The following HPS5 variants were observed in gnomAD, a reference collection of about 807,000 sequenced individuals.
The protein encoded by HPS5 is HPS5 biogenesis of lysosomal organelles complex 2 subunit 2.
In HPS5, 83 loss-of-function variants were observed where a neutral mutation model predicts 128.0. That is an observed-to-expected ratio of 0.65 (90% confidence interval 0.54 to 0.78). The LOEUF is 0.78. Ranked by LOEUF, HPS5 falls within the 30% of genes least tolerant of loss-of-function variation. HPS5 has a pLI of 0.00. For synonymous variants in HPS5, 475 were observed against 470.2 expected (o/e 1.01, Z -0.13); for missense variants, 1,281 against 1,326.2 (o/e 0.97, Z 0.53).
chr11:18,290,939 C>A (rs912418690), intron 16 of HPS5, among the ~76,000 whole-genome samples: 1 of 152,150 alleles, frequency 6.6e-6, no homozygotes, highest in African/African-American at 2.4e-5. Flanking sequence ...AAAAATAGGG[C>A]CAGGCACAGT....
chr11:18,299,110 G>T, intron 9 of HPS5, 140 bp from the exon 10 acceptor site: 1 of 729,656 alleles, frequency 1.4e-6, no homozygotes, highest in Non-Finnish European at 2.3e-6. Context: ...TTTTCTACTT[G>T]CAGTTCAATG....
Position 18,308,910 on chromosome 11 carries a change from T to C in HPS5, c.611+36A>G, listed in dbSNP as rs755702905. On this transcript the variant is annotated intron_variant, in intron 6 of 22. Coordinates refer to ENST00000349215, the MANE Select transcript of HPS5 (RefSeq NM_181507.2). ...TCTAAGTTCCTCCCAGTTCTAAAAT[T>C]CTGCATTTCTGATGACTAATGGTTG... 5.6e-6 allele frequency: 9 copies of C among 1,609,732 alleles called. No homozygotes were observed. In the South Asian group the frequency reaches 9.9e-5, roughly 18 times the overall value.
At chr11:18,311,348 A>G (rs1590134192) in intron 4 of HPS5, 39 bp downstream of exon 4, 1 of 1,389,970 alleles carries the variant, frequency 7.2e-7, no homozygotes. Flanking sequence ...TTTAAAATGC[A>G]TTTGAAAAAG....
chr11:18,313,222 GA>G (rs58493379), intron 2 of HPS5, among the ~76,000 whole-genome samples: 3,584 of 145,742 alleles, frequency 0.025, 140 homozygotes, highest in African/African-American at 0.081. Context: ...CTTATTGAGG[GA>G]AAAAAAAAAA....
intron 2 of HPS5, 69 bp downstream of exon 2, chr11:18,317,682 C>G: frequency 6.9e-7 from 1 of 1,457,212 alleles, no homozygotes; most frequent in Middle Eastern, 1.7e-4. Flanking sequence ...CGTTAAGGAA[C>G]TGGAGGGTAG....
intron 5 of HPS5, 76 bp downstream of exon 5, chr11:18,310,665 C>T (rs376903476): frequency 1.3e-5 from 16 of 1,194,352 alleles, no homozygotes; most frequent in East Asian, 9.4e-5. Context: ...GATAAAATCA[C>T]ATCCTTTAAT....
chr11:18,310,021 T>C (rs1862790188), intron 5 of HPS5, among the ~76,000 whole-genome samples: 1 of 152,086 alleles, frequency 6.6e-6, no homozygotes, highest in Admixed American at 6.6e-5. Context: ...ATAAAATAAA[T>C]TTAGCCAATA....
chr11:18,298,745 A>T (rs1403602975), intron 10 of HPS5, 47 bp downstream of exon 10: 1 of 1,576,500 alleles, frequency 6.3e-7, no homozygotes, highest in Non-Finnish European at 8.7e-7. Context: ...AAGGTAGGAG[A>T]GTTTCACCAA....
At chr11:18,288,782 G>C (rs1860043960) in intron 16 of HPS5, among the ~76,000 whole-genome samples, 1 of 151,226 alleles carries the variant, frequency 6.6e-6, no homozygotes, top group South Asian at 2.1e-4. Flanking sequence ...TTCCTACGTT[G>C]CCTAGCTGCA....
chr11:18,286,991 A>C, intron 18 of HPS5: 1 of 599,450 alleles, frequency 1.7e-6, no homozygotes, highest in Non-Finnish European at 2.9e-6. Flanking sequence ...AAGATCACTG[A>C]GGCCATAAGT....
At chr11:18,286,266 C>A (rs1384784074) in intron 19 of HPS5, among the ~76,000 whole-genome samples, 1 of 152,168 alleles carries the variant, frequency 6.6e-6, no homozygotes, top group Non-Finnish European at 1.5e-5. Context: ...GACTCCTAGC[C>A]AGGCACAGTG....
intron 5 of HPS5, 60 bp from the exon 6 acceptor site, chr11:18,309,139 C>T: frequency 6.7e-7 from 1 of 1,488,780 alleles, no homozygotes. Context: ...CATGCAATCT[C>T]TTCCTCTTTA....
At chr11:18,316,684 G>A (rs1863662543) in intron 2 of HPS5, among the ~76,000 whole-genome samples, 1 of 152,228 alleles carries the variant, frequency 6.6e-6, no homozygotes, top group South Asian at 2.1e-4. Flanking sequence ...GGTTGAGGAT[G>A]CAGCCTAGGA....
At chr11:18,293,083 G>T in intron 14 of HPS5, 107 bp from the exon 15 acceptor site, 1 of 848,090 alleles carries the variant, frequency 1.2e-6, no homozygotes, top group Non-Finnish European at 2.0e-6. Flanking sequence ...GTGCAGTGAC[G>T]TGATCTCGGT....
chr11:18,278,771 C>G lies in HPS5; in HGVS notation c.*1111G>C, dbSNP rs1215937457. ...ATTGTGTTCCAATGAAAACTTTAGT[C>G]ATATTTTACATTTATTATTAATATA... is the stretch of plus-strand genomic sequence containing the variant. On this transcript the variant is annotated 3_prime_UTR_variant, in exon 23 of 23. Transcript: ENST00000349215. The G allele has an allele frequency of 1.3e-5, 2 of 152,354 alleles. No homozygotes were observed. Among genetic ancestry groups the G allele is most frequent in the Non-Finnish European group, 2.9e-5 (2 of 68,042 alleles). The allele number at this position is 152,354 out of a possible 1,614,324, so 9.4% of individuals were successfully genotyped here. A position where few individuals can be genotyped will look rare whatever the true frequency, so the allele number is the denominator to read the frequency against.
chr11:18,286,967 G>A (rs1859824057), intron 18 of HPS5: 1 of 611,306 alleles, frequency 1.6e-6, no homozygotes, highest in African/African-American at 1.9e-5. Flanking sequence ...AAAAACCAGT[G>A]TGGCCAGAGT....
In HPS5 at chr11:18,287,984, C is replaced by T. The variant is rs368884599; in HGVS notation, c.2470G>A (p.Glu824Lys). ...EMASSNPVYM[E>K]MEKGDLPTRL... Reference sequence around the variant, plus strand: ...GTTGGTAGATCTCCTTTTTCCATCTCCATATACACAGGATTGGAACTTGCC... The same window carrying T: ...GTTGGTAGATCTCCTTTTTCCATCTTCATATACACAGGATTGGAACTTGCC... The change falls in exon 17 of 23, where the codon GAG becomes AAG. Residue 824 changes from glutamate (E) to lysine (K), a missense_variant. Transcript: ENST00000349215. 8.3e-5 allele frequency: 134 copies of T among 1,613,678 alleles called. 1 individual carries two copies. In the South Asian group the frequency reaches 1.4e-3, roughly 17 times the overall value.
Position 18,310,620 on chromosome 11 carries a change from T to C in HPS5, c.477+121A>G, listed in dbSNP as rs1246742261. 11 of 830,572 alleles carry C rather than the reference T, an allele frequency of 1.3e-5. No individual in the cohort carries two copies. In the East Asian group the frequency reaches 2.4e-4, roughly 18 times the overall value. The allele number at this position is 830,572 out of a possible 1,614,324, so 51.5% of individuals were successfully genotyped here. ...ACAGGTCTCCTCAAAATCTCCAGGT[T>C]TGGACTCCGGATTAGTCTCCCAAGA... On this transcript the variant is annotated intron_variant, in intron 5 of 22. Transcript: ENST00000349215.
chr11:18,312,123 T>C (rs1416891473), intron 2 of HPS5, 99 bp from the exon 3 acceptor site: 24 of 883,242 alleles, frequency 2.7e-5, no homozygotes, highest in Non-Finnish European at 4.4e-5. Flanking sequence ...ATCAGGCTCC[T>C]TCCCTCACTT....
Sources: allele counts gnomAD v4.1 joint callset (sites outside exome capture counted in the v4.1 genomes callset), GRCh38; gene constraint gnomAD v4.1.1; transcripts MANE v1.5; gene names NCBI Gene and HGNC (gene_info 2026-07-23, HGNC 2026-07-21).